ITGA8: variants seen among roughly 807,000 people sequenced by gnomAD.
ITGA8 encodes integrin alpha-8.
A neutral mutation model predicts 142.3 loss-of-function variants in ITGA8; 91 were observed. The observed-to-expected ratio is 0.64, with a 90% CI of 0.54 to 0.76. The LOEUF (loss-of-function observed/expected upper bound fraction) is 0.76, where lower values mean the gene tolerates loss of function less well. Among genes scored for constraint, ITGA8 ranks in the 30% least tolerant of loss-of-function variants. The pLI, the probability that ITGA8 is intolerant of heterozygous loss-of-function variation, is 0.00. For synonymous variants in ITGA8, 505 were observed against 485.2 expected, an observed-to-expected ratio of 1.04 and a Z score of -0.54; for missense variants, 1,406 against 1,327.7, an observed-to-expected ratio of 1.06 and a Z score of -0.92.
chr10:15,667,001 T>A (rs1001212570), intron 8 of ITGA8, among the ~76,000 whole-genome samples: 1 of 152,144 alleles, frequency 6.6e-6, no homozygotes, highest in African/African-American at 2.4e-5. Context: ...TGTCTCTGCC[T>A]GGCTTTGGTA....
chr10:15,664,653 C>T (rs1250426259), intron 8 of ITGA8, among the ~76,000 whole-genome samples: 1 of 150,360 alleles, frequency 6.7e-6, no homozygotes, highest in Non-Finnish European at 1.5e-5. Flanking sequence ...TCTCCTAATG[C>T]TATCCCTCCC....
chr10:15,610,537 T>G (rs1254408462), intron 15 of ITGA8, among the ~76,000 whole-genome samples: 1 of 152,208 alleles, frequency 6.6e-6, no homozygotes, highest in African/African-American at 2.4e-5. Context: ...AAGTCCCTTA[T>G]TACATAAATT....
intron 11 of ITGA8, 114 bp from the exon 12 acceptor site, chr10:15,647,165 G>T (rs1833997540): frequency 2.6e-6 from 2 of 758,028 alleles, no homozygotes; most frequent in Non-Finnish European, 2.2e-6. Flanking sequence ...TTTTCTGAGG[G>T]TTATTTTACA....
chr10:15,559,061 A>G (rs1204746513), intron 25 of ITGA8, among the ~76,000 whole-genome samples: 4 of 152,204 alleles, frequency 2.6e-5, no homozygotes, highest in African/African-American at 7.2e-5. Flanking sequence ...TGGAATGAAG[A>G]AAAGAAATTT....
intron 20 of ITGA8, among the ~76,000 whole-genome samples, chr10:15,599,851 A>G (rs1588667203): frequency 6.6e-6 from 1 of 152,056 alleles, no homozygotes; most frequent in Non-Finnish European, 1.5e-5. Context: ...AACCTGGGAG[A>G]CAGAGGTTGC....
chr10:15,535,261 G>A (rs529785165), intron 27 of ITGA8, among the ~76,000 whole-genome samples: 30 of 152,190 alleles, frequency 2.0e-4, no homozygotes, highest in Middle Eastern at 3.4e-3. Flanking sequence ...TCCCTGACGC[G>A]CACCGCCCCC....
chr10:15,514,086 TA>T lies in ITGA8; in HGVS notation c.*3071del, dbSNP rs201413427. On this transcript the variant is annotated 3_prime_UTR_variant, in exon 30 of 30. Coordinates refer to ENST00000378076, the MANE Select transcript of ITGA8 (RefSeq NM_003638.3). The stretch of plus-strand genomic sequence containing the variant: ...AGTTTCAGGGGTGACTAGTACATAT[TA>T]TTTTTTTATTTACTGTATAAAAATC... 1,139 of 152,340 alleles carry T rather than the reference TA, an allele frequency of 7.5e-3. 14 individuals are homozygous for T. The highest frequency in any genetic ancestry group is 0.027 in the African/African-American group (1,105 of 41,562). 9.4% of individuals were successfully genotyped at this position (152,340 alleles called of 1,614,324 possible).
intron 27 of ITGA8, among the ~76,000 whole-genome samples, chr10:15,539,879 G>T (rs961397733): frequency 3.3e-5 from 5 of 152,182 alleles, no homozygotes; most frequent in East Asian, 1.9e-4. Flanking sequence ...GGTGGGGCCG[G>T]GTGGAGATAA....
At chr10:15,594,196 T>A (rs1832975889) in intron 21 of ITGA8, among the ~76,000 whole-genome samples, 3 of 151,954 alleles carry the variant, frequency 2.0e-5, no homozygotes, top group African/African-American at 7.3e-5. Flanking sequence ...TCTTCTCTCC[T>A]TTTTAGAAGC....
At chr10:15,683,020 C>T (rs746947999) in intron 4 of ITGA8, among the ~76,000 whole-genome samples, 1 of 152,004 alleles carries the variant, frequency 6.6e-6, no homozygotes, top group Non-Finnish European at 1.5e-5. Context: ...TAAAAACACT[C>T]AGGCAAAAGG....
intron 20 of ITGA8, among the ~76,000 whole-genome samples, chr10:15,601,524 T>C (rs927969646): frequency 6.6e-6 from 1 of 152,152 alleles, no homozygotes; most frequent in Non-Finnish European, 1.5e-5. Context: ...CACGTAAATA[T>C]AATGTCACTG....
intron 2 of ITGA8, among the ~76,000 whole-genome samples, chr10:15,694,015 T>C (rs1588729568): frequency 1.3e-5 from 2 of 150,950 alleles, no homozygotes; most frequent in African/African-American, 4.8e-5. Context: ...ACTACAGAGA[T>C]CTTGCAGCGT....
intron 27 of ITGA8, among the ~76,000 whole-genome samples, chr10:15,532,345 G>A (rs546913836): frequency 6.8e-6 from 1 of 147,748 alleles, no homozygotes; most frequent in Non-Finnish European, 1.5e-5. Context: ...CTTGAACCTG[G>A]GAGGCGGAGG....
chr10:15,575,335 A>G (rs754382363), intron 24 of ITGA8, among the ~76,000 whole-genome samples, 154 bp downstream of exon 24: 3 of 152,164 alleles, frequency 2.0e-5, no homozygotes, highest in African/African-American at 4.8e-5. Context: ...GGCTGCAGTG[A>G]GCTGTGATTG....
intron 28 of ITGA8, among the ~76,000 whole-genome samples, chr10:15,528,399 C>A (rs1833219208): frequency 6.6e-6 from 1 of 152,172 alleles, no homozygotes; most frequent in Non-Finnish European, 1.5e-5. Context: ...AAGGTCTTCT[C>A]CAGTTAGTCA....
At chr10:15,535,285 C>T (rs1003060571) in intron 27 of ITGA8, among the ~76,000 whole-genome samples, 1 of 152,168 alleles carries the variant, frequency 6.6e-6, no homozygotes, top group African/African-American at 2.4e-5. Context: ...TCCACGGTAC[C>T]CAGTCCCATC....
chr10:15,677,887 A>G (rs1425057766), intron 5 of ITGA8, among the ~76,000 whole-genome samples: 2 of 152,166 alleles, frequency 1.3e-5, no homozygotes, highest in African/African-American at 4.8e-5. Context: ...CTCTCCCTTG[A>G]GAGAGATAAA....
chr10:15,617,298 G>C (rs943126832), intron 13 of ITGA8, among the ~76,000 whole-genome samples: 3 of 151,862 alleles, frequency 2.0e-5, no homozygotes, highest in African/African-American at 7.3e-5. Flanking sequence ...AAGTAGGTAA[G>C]TGGTGGAACT....
intron 20 of ITGA8, among the ~76,000 whole-genome samples, chr10:15,600,240 C>T (rs1231114829): frequency 1.9e-4 from 29 of 151,932 alleles, no homozygotes; most frequent in Non-Finnish European, 4.4e-5. Flanking sequence ...AGGTATATCT[C>T]CTAATGCTAT....
Sources: gnomAD v4.1 joint callset for allele counts (sites outside exome capture counted in the v4.1 genomes callset) on GRCh38, gnomAD v4.1.1 for gene constraint, MANE v1.5 for transcripts, NCBI Gene and HGNC (gene_info 2026-07-23, HGNC 2026-07-21) for gene names.